TANGO6: variants seen among roughly 807,000 people sequenced by gnomAD.
The protein encoded by TANGO6 is transport and golgi organization 6 homolog.
TANGO6 carries 90 observed loss-of-function variants against 114.2 expected under a neutral mutation model. The observed-to-expected ratio is 0.79, with a 90% CI of 0.66 to 0.94. The LOEUF (loss-of-function observed/expected upper bound fraction) is 0.94. Ranked by LOEUF, TANGO6 falls within the 40% of genes least tolerant of loss-of-function variation. The pLI is 0.00. For missense variants in TANGO6, 1,274 were observed against 1,315.3 expected (o/e 0.97, Z 0.49); for synonymous variants, 477 against 509.8 (o/e 0.94, Z 0.87).
chr16:69,076,294 G>T (rs1314352533), intron 17 of TANGO6, among the ~76,000 whole-genome samples: 1 of 151,384 alleles, frequency 6.6e-6, no homozygotes, highest in African/African-American at 2.4e-5. Context: ...GTTTCACCAT[G>T]TTGGCCAGGC....
chr16:69,071,226 T>A (rs1003381713), intron 17 of TANGO6, among the ~76,000 whole-genome samples: 1 of 152,236 alleles, frequency 6.6e-6, no homozygotes, highest in Non-Finnish European at 1.5e-5. Flanking sequence ...CTTCTGGAAA[T>A]GCAGCCCAGC....
intron 14 of TANGO6, among the ~76,000 whole-genome samples, chr16:68,936,642 A>G (rs1489287205): frequency 1.3e-5 from 2 of 152,144 alleles, no homozygotes; most frequent in Non-Finnish European, 2.9e-5. Context: ...GCCTATAGCC[A>G]GATTATTTCT....
intron 16 of TANGO6, among the ~76,000 whole-genome samples, chr16:69,037,154 AAAG>A (rs1164900870): frequency 6.6e-6 from 1 of 151,816 alleles, no homozygotes; most frequent in Admixed American, 6.6e-5. Flanking sequence ...AAAAAAAAAA[AAAG>A]AATTGCCCTT....
intron 17 of TANGO6, among the ~76,000 whole-genome samples, chr16:69,075,954 G>A (rs940039656): frequency 5.9e-5 from 9 of 151,494 alleles, no homozygotes; most frequent in Admixed American, 6.6e-5. Flanking sequence ...TAGTAGAGAC[G>A]GGGTTTCACC....
At chr16:68,944,714 G>A (rs143839778) in intron 14 of TANGO6, among the ~76,000 whole-genome samples, 1 of 152,234 alleles carries the variant, frequency 6.6e-6, no homozygotes, top group African/African-American at 2.4e-5. Context: ...TTTTTCCCAA[G>A]GTGAGTCAGG....
chr16:68,849,101 G>A (rs956200866), intron 1 of TANGO6, among the ~76,000 whole-genome samples: 10 of 152,190 alleles, frequency 6.6e-5, no homozygotes, highest in South Asian at 4.1e-4. Flanking sequence ...TTGGGAGGCC[G>A]AGGTGGGTGG....
intron 17 of TANGO6, among the ~76,000 whole-genome samples, chr16:69,051,450 C>T (rs1018610470): frequency 6.6e-6 from 1 of 152,082 alleles, no homozygotes; most frequent in Non-Finnish European, 1.5e-5. Flanking sequence ...CTGAGGTGGG[C>T]AGATCACCTG....
chr16:69,064,967 A>G (rs1960191393), intron 17 of TANGO6, among the ~76,000 whole-genome samples: 1 of 152,134 alleles, frequency 6.6e-6, no homozygotes, highest in East Asian at 1.9e-4. Context: ...GTTCCCCCAT[A>G]TGTGATCACT....
chr16:68,850,885 G>A (rs1019043549), intron 1 of TANGO6, among the ~76,000 whole-genome samples: 13 of 152,040 alleles, frequency 8.6e-5, no homozygotes, highest in Non-Finnish European at 1.8e-4. Context: ...TCATTTTTAG[G>A]AATTGTTTTG....
At chr16:69,070,626 C>T in intron 17 of TANGO6, among the ~76,000 whole-genome samples, 1 of 142,776 alleles carries the variant, frequency 7.0e-6, no homozygotes, top group Non-Finnish European at 1.5e-5. Flanking sequence ...GAGGGAGACT[C>T]CATCTCAAAA....
chr16:68,878,671 T>A (rs1317973739), intron 6 of TANGO6, among the ~76,000 whole-genome samples: 1 of 152,160 alleles, frequency 6.6e-6, no homozygotes, highest in Non-Finnish European at 1.5e-5. Flanking sequence ...CTCAGGAAAT[T>A]TAACATTTAT....
At chr16:68,946,491 G>T (rs1382516170) in intron 14 of TANGO6, among the ~76,000 whole-genome samples, 3 of 152,074 alleles carry the variant, frequency 2.0e-5, no homozygotes, top group Non-Finnish European at 2.9e-5. Context: ...ACCGCGCCCG[G>T]CCTTTTCTTT....
chr16:68,929,291 A>T (rs1460058980), intron 13 of TANGO6, among the ~76,000 whole-genome samples: 1 of 152,258 alleles, frequency 6.6e-6, no homozygotes, highest in African/African-American at 2.4e-5. Context: ...AGCTTAATTA[A>T]ACCTTCTTCT....
chr16:68,879,774 G>A (rs1235049811), intron 6 of TANGO6, among the ~76,000 whole-genome samples: 13 of 147,890 alleles, frequency 8.8e-5, no homozygotes, highest in Admixed American at 2.0e-4. Context: ...CCGTCACCAC[G>A]CCCAGCTAAT....
chr16:68,892,878 G>A (rs368268430), intron 7 of TANGO6, among the ~76,000 whole-genome samples: 2 of 152,012 alleles, frequency 1.3e-5, no homozygotes, highest in South Asian at 2.1e-4. Context: ...ATCACACCAC[G>A]CAATTGAAAA....
intron 11 of TANGO6, among the ~76,000 whole-genome samples, chr16:68,911,717 T>A (rs886446968): frequency 1.3e-5 from 2 of 152,192 alleles, no homozygotes; most frequent in Non-Finnish European, 2.9e-5. Flanking sequence ...CCCAGCCCAA[T>A]TTATAGTTTC....
At chr16:68,962,027 C>G (rs1963597673) in intron 14 of TANGO6, among the ~76,000 whole-genome samples, 1 of 152,160 alleles carries the variant, frequency 6.6e-6, no homozygotes, top group Admixed American at 6.6e-5. Context: ...GGGGCCTGTT[C>G]ACAGTTAACA....
At chr16:68,855,488 A>T (rs982120986) in intron 1 of TANGO6, among the ~76,000 whole-genome samples, 1 of 152,050 alleles carries the variant, frequency 6.6e-6, no homozygotes, top group Non-Finnish European at 1.5e-5. Flanking sequence ...AGGCTGAGGC[A>T]CGAGAATTGC....
chr16:68,897,184 G>A (rs1413158093), intron 7 of TANGO6, among the ~76,000 whole-genome samples: 2 of 151,924 alleles, frequency 1.3e-5, no homozygotes, highest in Non-Finnish European at 1.5e-5. Flanking sequence ...TACAGGTGCC[G>A]TGAACCGCTG....
Sources: allele counts gnomAD v4.1 joint callset (sites outside exome capture counted in the v4.1 genomes callset), GRCh38; gene constraint gnomAD v4.1.1; transcripts MANE v1.5; gene names NCBI Gene and HGNC (gene_info 2026-07-23, HGNC 2026-07-21).